Variants in SOX5 observed in about 807,000 individuals in gnomAD.
The protein encoded by SOX5 is SRY-box transcription factor 5.
A neutral mutation model predicts 92.0 loss-of-function variants in SOX5; 9 were observed. The observed-to-expected ratio is 0.10, with a 90% confidence interval of 0.06 to 0.17. The LOEUF (loss-of-function observed/expected upper bound fraction) is 0.17, where lower values mean the gene tolerates loss of function less well. Ranked by LOEUF, SOX5 falls within the 10% of genes least tolerant of loss-of-function variation. The pLI is 1.00. For synonymous variants in SOX5, 344 were observed against 336.3 expected, an observed-to-expected ratio of 1.02 and a Z score of -0.25; for missense variants, 642 against 944.5, an observed-to-expected ratio of 0.68 and a Z score of 4.20.
At chr12:23,779,522 A>G (rs573295976) in intron 3 of SOX5, among the ~76,000 whole-genome samples, 19 of 151,676 alleles carry the variant, frequency 1.3e-4, no homozygotes, top group African/African-American at 4.6e-4. Flanking sequence ...TTCAGAAGCT[A>G]ATGCGAAGAT....
At chr12:23,579,018 A>T (rs964206369) in intron 9 of SOX5, among the ~76,000 whole-genome samples, 1 of 152,238 alleles carries the variant, frequency 6.6e-6, no homozygotes, top group Non-Finnish European at 1.5e-5. Context: ...AACAGGGAAG[A>T]TATTTATGAG....
At chr12:24,458,872 T>C (rs1022142805) in intron 1 of SOX5, among the ~76,000 whole-genome samples, 1 of 152,162 alleles carries the variant, frequency 6.6e-6, no homozygotes, top group Non-Finnish European at 1.5e-5. Flanking sequence ...TCTAGAACAT[T>C]CCAAGATAGT....
chr12:23,987,945 G>A (rs907356658), intron 4 of SOX5, among the ~76,000 whole-genome samples: 1 of 152,150 alleles, frequency 6.6e-6, no homozygotes, highest in Non-Finnish European at 1.5e-5. Flanking sequence ...ATTGTAAGAG[G>A]AAAAATGGAA....
At chr12:23,737,321 G>T (rs969742291) in intron 5 of SOX5, among the ~76,000 whole-genome samples, 3 of 151,790 alleles carry the variant, frequency 2.0e-5, no homozygotes, top group African/African-American at 2.4e-5. Flanking sequence ...TGGGCAGATC[G>T]CAAGGTCAGG....
At chr12:23,637,494 G>C (rs1566590127) in intron 8 of SOX5, among the ~76,000 whole-genome samples, 1 of 152,064 alleles carries the variant, frequency 6.6e-6, no homozygotes, top group Non-Finnish European at 1.5e-5. Flanking sequence ...GTTCATTACT[G>C]TCTCACACCT....
Position 24,332,745 on chromosome 12 carries a change from T to C in SOX5, c.-174+35818A>G, listed in dbSNP as rs1012622590. On this transcript the variant is annotated intron_variant, in intron 2 of 4. Transcript: ENST00000446891. ...AGGCAAGTCATAGAGTATATGAACGTAGTGACCATTTGAAATCTACACTGA... is the reference window on the plus strand; with the variant it reads ...AGGCAAGTCATAGAGTATATGAACGCAGTGACCATTTGAAATCTACACTGA... Among the ~76,000 whole-genome samples, 8 of 150,062 alleles carry C rather than the reference T, an allele frequency of 5.3e-5. 1 individual carries two copies. Among genetic ancestry groups the C allele is most frequent in the African/African-American group, 2.4e-5 (1 of 40,826 alleles).
At chr12:23,546,100 G>A (rs1943084325) in intron 12 of SOX5, among the ~76,000 whole-genome samples, 1 of 152,090 alleles carries the variant, frequency 6.6e-6, no homozygotes, top group South Asian at 2.1e-4. Context: ...TCTCTGCAAT[G>A]GGACTTATCC....
At chr12:23,630,075 G>A (rs1027650359) in intron 8 of SOX5, among the ~76,000 whole-genome samples, 1 of 151,808 alleles carries the variant, frequency 6.6e-6, no homozygotes, top group African/African-American at 2.4e-5. Flanking sequence ...AGCTTTGAAT[G>A]GCTATACAAG....
intron 4 of SOX5, among the ~76,000 whole-genome samples, chr12:24,016,198 G>A (rs1953576464): frequency 6.6e-6 from 1 of 152,224 alleles, no homozygotes; most frequent in South Asian, 2.1e-4. Context: ...CTCGTGCCTT[G>A]TCTGAATCAA....
chr12:24,103,265 A>G (rs1946296928), intron 4 of SOX5, among the ~76,000 whole-genome samples: 1 of 152,222 alleles, frequency 6.6e-6, no homozygotes, highest in Non-Finnish European at 1.5e-5. Flanking sequence ...AGAAAAGGCT[A>G]AAATCTTAGC....
intron 4 of SOX5, among the ~76,000 whole-genome samples, chr12:24,123,991 G>T (rs551930104): frequency 2.4e-4 from 36 of 152,096 alleles, no homozygotes; most frequent in Middle Eastern, 3.2e-3. Flanking sequence ...TAGTTAAGTC[G>T]ATTCTTAAAA....
chr12:23,534,447 G>A lies in SOX5; in HGVS notation c.2064C>T (p.Ser688=). The A allele has an allele frequency of 6.2e-7, 1 of 1,614,014 alleles. No homozygotes were observed. The highest frequency in any genetic ancestry group is 8.5e-7 in the Non-Finnish European group (1 of 1,179,988). The change falls in exon 15 of 15, where the codon TCC becomes TCT. Residue 688 remains serine, a synonymous_variant. Transcript: ENST00000451604. Reference sequence around the variant, plus strand: ...TTGAGTGCTCCGAGGGCAGGTGAGGGGAGGGCATCCCAGCCATGGCGATGG... The same window carrying A: ...TTGAGTGCTCCGAGGGCAGGTGAGGAGAGGGCATCCCAGCCATGGCGATGG... The part of the protein sequence containing the change: ...PGAIAMAGMP[S]PHLPSEHSSV...
intron 3 of SOX5, among the ~76,000 whole-genome samples, chr12:23,779,814 TACACACACACACACAC>T (rs1555337311): frequency 9.0e-6 from 1 of 110,812 alleles, no homozygotes; most frequent in African/African-American, 3.7e-5. Context: ...TATATATATA[TACACACACACACACAC>T]ACACACACAT....
At chr12:24,278,557 A>T (rs1944773732) in intron 2 of SOX5, among the ~76,000 whole-genome samples, 1 of 152,088 alleles carries the variant, frequency 6.6e-6, no homozygotes, top group African/African-American at 2.4e-5. Context: ...CAAAAAATTT[A>T]AAAATTAGCT....
chr12:23,990,371 G>A (rs1468771241), intron 4 of SOX5, among the ~76,000 whole-genome samples: 2 of 152,108 alleles, frequency 1.3e-5, no homozygotes, highest in Non-Finnish European at 2.9e-5. Flanking sequence ...GGACCTTGAC[G>A]ATCTAATCAC....
At chr12:24,186,496 G>T (rs1400514014) in intron 4 of SOX5, among the ~76,000 whole-genome samples, 2 of 152,056 alleles carry the variant, frequency 1.3e-5, no homozygotes, top group East Asian at 1.9e-4. Flanking sequence ...TTTAAATAAG[G>T]TAAGATGAGG....
chr12:24,123,848 CT>C (rs1948854343), intron 4 of SOX5, among the ~76,000 whole-genome samples: 1 of 152,172 alleles, frequency 6.6e-6, no homozygotes, highest in African/African-American at 2.4e-5. Context: ...AACATCCTCC[CT>C]GTATTGAGCA....
At chr12:24,547,436 C>T (rs575828399) in intron 1 of SOX5, among the ~76,000 whole-genome samples, 1 of 152,018 alleles carries the variant, frequency 6.6e-6, no homozygotes, top group East Asian at 1.9e-4. Flanking sequence ...CATGATCCAC[C>T]CGCCTCGGCC....
chr12:23,869,752 C>G (rs1378451582), intron 2 of SOX5, among the ~76,000 whole-genome samples: 1 of 152,128 alleles, frequency 6.6e-6, no homozygotes, highest in Non-Finnish European at 1.5e-5. Context: ...GTGAGTAGTA[C>G]TGCTCTAGAA....
Sources: allele counts gnomAD v4.1 joint callset (sites outside exome capture counted in the v4.1 genomes callset), GRCh38; gene constraint gnomAD v4.1.1; transcripts MANE v1.5; gene names NCBI Gene and HGNC (gene_info 2026-07-23, HGNC 2026-07-21).